HDAC9: variants seen among roughly 807,000 people sequenced by gnomAD.
The protein encoded by HDAC9 is histone deacetylase 9.
In HDAC9, 41 loss-of-function variants were observed where a neutral mutation model predicts 139.4. The observed-to-expected ratio is 0.29, with a 90% confidence interval of 0.23 to 0.38. HDAC9 has a LOEUF of 0.38. Ranked by LOEUF, HDAC9 falls within the 10% of genes least tolerant of loss-of-function variation. HDAC9 has a pLI of 1.00. For synonymous variants in HDAC9, 517 were observed against 476.2 expected, an observed-to-expected ratio of 1.09 and a Z score of -1.12; for missense variants, 1,147 against 1,297.0, an observed-to-expected ratio of 0.88 and a Z score of 1.78.
At chr7:18,901,463 T>C (rs73067971) in intron 22 of HDAC9, among the ~76,000 whole-genome samples, 4,112 of 152,174 alleles carry the variant, frequency 0.027, 83 homozygotes, top group Non-Finnish European at 0.043. Flanking sequence ...ACACGTAATA[T>C]AGTGGAGACT....
chr7:18,747,354 T>C (rs1395939802), intron 13 of HDAC9, among the ~76,000 whole-genome samples: 4 of 152,136 alleles, frequency 2.6e-5, no homozygotes, highest in South Asian at 4.1e-4. Context: ...CACCTTGGAT[T>C]GTGTATGGTT....
intron 1 of HDAC9, among the ~76,000 whole-genome samples, chr7:18,142,793 G>T (rs1786003897): frequency 6.6e-6 from 1 of 152,160 alleles, no homozygotes; most frequent in South Asian, 2.1e-4. Flanking sequence ...AGAGGACGTG[G>T]CGGGTCAAGA....
At chr7:18,104,396 G>A (rs1452749495) in intron 1 of HDAC9, among the ~76,000 whole-genome samples, 1 of 151,846 alleles carries the variant, frequency 6.6e-6, no homozygotes, top group Non-Finnish European at 1.5e-5. Flanking sequence ...ATCAGCTGAG[G>A]TGAGGAACAC....
At chr7:18,442,756 C>G (rs960064594) in intron 1 of HDAC9, among the ~76,000 whole-genome samples, 4 of 152,186 alleles carry the variant, frequency 2.6e-5, no homozygotes, top group Admixed American at 6.5e-5. Context: ...TTTTTCTTCT[C>G]TCTGAGGTTT....
At chr7:18,886,161 T>A (rs1308186061) in intron 22 of HDAC9, among the ~76,000 whole-genome samples, 1 of 151,718 alleles carries the variant, frequency 6.6e-6, no homozygotes, top group African/African-American at 2.4e-5. Flanking sequence ...CCATGTTCGC[T>A]CTTACTCTGC....
chr7:18,829,406 A>G, intron 18 of HDAC9, 55 bp from the exon 19 acceptor site: 1 of 1,349,428 alleles, frequency 7.4e-7, no homozygotes, highest in African/African-American at 1.4e-5. Flanking sequence ...ATTATTTATA[A>G]TGGTTTTCCT....
intron 22 of HDAC9, among the ~76,000 whole-genome samples, chr7:18,881,624 A>T (rs899012981): frequency 2.0e-5 from 3 of 152,124 alleles, no homozygotes; most frequent in African/African-American, 2.4e-5. Context: ...TTTCCACATT[A>T]TCAAAATCTA....
intron 1 of HDAC9, among the ~76,000 whole-genome samples, chr7:18,134,545 A>G (rs1431269177): frequency 6.6e-6 from 1 of 152,186 alleles, no homozygotes; most frequent in Non-Finnish European, 1.5e-5. Flanking sequence ...TTTTAAAGGC[A>G]GAAATTAGTT....
intron 1 of HDAC9, among the ~76,000 whole-genome samples, chr7:18,142,059 A>G (rs768925357): frequency 1.8e-4 from 28 of 151,686 alleles, no homozygotes; most frequent in Non-Finnish European, 4.1e-4. Context: ...CCTAAATCCT[A>G]ATTGAGTGAC....
At chr7:18,738,061 A>C (rs920689471) in intron 13 of HDAC9, among the ~76,000 whole-genome samples, 1 of 151,880 alleles carries the variant, frequency 6.6e-6, no homozygotes, top group Non-Finnish European at 1.5e-5. Flanking sequence ...AGTCTGTTTT[A>C]TCAGAGACTA....
intron 22 of HDAC9, among the ~76,000 whole-genome samples, chr7:18,909,020 A>G (rs1304344444): frequency 6.6e-6 from 1 of 152,012 alleles, no homozygotes; most frequent in Non-Finnish European, 1.5e-5. Flanking sequence ...AACAGTGTAT[A>G]AGAGTTCATT....
intron 22 of HDAC9, among the ~76,000 whole-genome samples, chr7:18,886,879 C>G (rs533640263): frequency 1.5e-4 from 23 of 152,134 alleles, no homozygotes; most frequent in African/African-American, 5.6e-4. Context: ...TCTCCATAAC[C>G]GTAGATTTTG....
chr7:18,374,381 G>A (rs114978557), intron 1 of HDAC9, among the ~76,000 whole-genome samples: 1,786 of 152,038 alleles, frequency 0.012, 37 homozygotes, highest in African/African-American at 0.041. Context: ...TCCTCATTGT[G>A]TGAACATCTT....
At chr7:18,990,195 T>C (rs1364001801) in intron 25 of HDAC9, among the ~76,000 whole-genome samples, 1 of 152,158 alleles carries the variant, frequency 6.6e-6, no homozygotes, top group Non-Finnish European at 1.5e-5. Context: ...TTATCTACTT[T>C]TGGTCTTTGA....
intron 1 of HDAC9, among the ~76,000 whole-genome samples, chr7:18,161,928 A>G (rs1454042285): frequency 6.6e-6 from 1 of 152,220 alleles, no homozygotes. Flanking sequence ...CAAACAAATT[A>G]TAGTGAACAG....
intron 17 of HDAC9, among the ~76,000 whole-genome samples, chr7:18,802,241 C>G (rs1793361822): frequency 6.6e-6 from 1 of 151,720 alleles, no homozygotes; most frequent in African/African-American, 2.4e-5. Context: ...TTTAAAATGT[C>G]TTATTTCCAT....
intron 21 of HDAC9, among the ~76,000 whole-genome samples, chr7:18,866,760 G>C (rs1003636743): frequency 2.0e-5 from 3 of 152,206 alleles, no homozygotes; most frequent in African/African-American, 7.2e-5. Context: ...TCCTATGGGA[G>C]TTCCCTTCTT....
At position 18,644,736 on chromosome 7, in the gene HDAC9, C is replaced by G. The variant is rs374584491; in HGVS notation, c.978C>G (p.Thr326=). The change falls in exon 9 of 26, where the codon ACC becomes ACG. Residue 326 remains threonine, a synonymous_variant. Transcript: ENST00000686413. ...EDSMNLLSLY[T]SPSLPNITLG... ...CCATGAACCTGCTAAGTCTTTATAC[C>G]TCTCCTTCTTTGCCCAACATTACCT... The G allele has an allele frequency of 6.2e-7, 1 of 1,611,890 alleles. No homozygotes were observed. Among genetic ancestry groups the G allele is most frequent in the African/African-American group, 1.3e-5 (1 of 74,782 alleles).
intron 12 of HDAC9, among the ~76,000 whole-genome samples, chr7:18,717,431 CTTT>C (rs59746761): frequency 6.6e-5 from 9 of 137,228 alleles, no homozygotes; most frequent in African/African-American, 8.4e-5. Flanking sequence ...TTACAATTTC[CTTT>C]TTTTTTTTTT....
Sources: allele counts gnomAD v4.1 joint callset (sites outside exome capture counted in the v4.1 genomes callset), GRCh38; gene constraint gnomAD v4.1.1; transcripts MANE v1.5; gene names NCBI Gene and HGNC (gene_info 2026-07-23, HGNC 2026-07-21).